The following PCDHGA10 variants were observed in gnomAD, a reference collection of about 807,000 sequenced individuals.
PCDHGA10 encodes the protein protocadherin gamma-A10.
PCDHGA10 carries 42 observed loss-of-function variants against 59.5 expected under a neutral mutation model. The ratio of observed to expected loss-of-function variants is 0.71; its 90% CI spans 0.55 to 0.91. The LOEUF (loss-of-function observed/expected upper bound fraction) is 0.91, where lower values mean the gene tolerates loss of function less well. Among genes scored for constraint, PCDHGA10 ranks in the 40% least tolerant of loss-of-function variants. The pLI, the probability that PCDHGA10 is intolerant of heterozygous loss-of-function variation, is 0.00. For synonymous variants in PCDHGA10, 511 were observed against 517.2 expected, an observed-to-expected ratio of 0.99 and a Z score of 0.16; for missense variants, 1,111 against 1,198.2, an observed-to-expected ratio of 0.93 and a Z score of 1.07.
chr5:141,462,872 AG>A (rs1254807813), intron 1 of PCDHGA10, among the ~76,000 whole-genome samples: 54 of 152,272 alleles, frequency 3.5e-4, no homozygotes, highest in Middle Eastern at 6.8e-3. Flanking sequence ...TCTTTCTTTA[AG>A]AACTATTGCA....
intron 1 of PCDHGA10, among the ~76,000 whole-genome samples, chr5:141,461,288 A>G (rs1049761514): frequency 2.0e-5 from 3 of 152,092 alleles, no homozygotes; most frequent in Admixed American, 1.3e-4. Flanking sequence ...CCCCACATCC[A>G]CACCAACATC....
intron 1 of PCDHGA10, chr5:141,441,857 ACGCCGC>A (rs2098279969): frequency 2.8e-6 from 1 of 352,664 alleles, no homozygotes; most frequent in Non-Finnish European, 5.6e-6. Flanking sequence ...ATGGTGCTGC[ACGCCGC>A]GGAGCCTGGC....
chr5:141,414,686 C>G lies in PCDHGA10; in HGVS notation c.1511C>G (p.Pro504Arg). The G allele has an allele frequency of 2.5e-6, 4 of 1,614,042 alleles. No individual in the cohort carries two copies. The highest frequency in any genetic ancestry group is 3.4e-6 in the Non-Finnish European group (4 of 1,179,912). The change falls in exon 1 of 4, where the codon CCT becomes CGT. Residue 504 changes from proline (P) to arginine (R), a missense_variant. Physicochemically the swap from Pro to Arg is moderately radical, Grantham distance 103. Coordinates refer to ENST00000398610, the MANE Select transcript of PCDHGA10 (RefSeq NM_018913.3). ...GCTGAAGACACCATCCAGGGGGTAC[C>G]TCTGTCCTCATACATATCCATCAAC... ...SLAEDTIQGV[P>R]LSSYISINSD...
chr5:141,477,512 A>G lies in PCDHGA10; in HGVS notation c.2437-17295A>G. 1.9e-6 allele frequency: 3 copies of G among 1,614,156 alleles called. No homozygotes were observed. Among genetic ancestry groups the G allele is most frequent in the South Asian group, 2.2e-5 (2 of 91,072 alleles). ...TTCTCAATCTTCCTACGACGTTTAC[A>G]TTGAAGAAAACAACCTCCCCGGGGC... On this transcript the variant is annotated intron_variant, in intron 1 of 3. Transcript: ENST00000398610. This position sits in a 1 kb window ranked among gnomAD's most constrained non-coding sequence, Gnocchi z 4.9.
chr5:141,447,329 G>A (rs1328071539), intron 1 of PCDHGA10, among the ~76,000 whole-genome samples: 6 of 151,732 alleles, frequency 4.0e-5, no homozygotes, highest in Admixed American at 1.3e-4. Context: ...TAGTAGAGAC[G>A]GGTTTCATCA....
chr5:141,479,752 T>C (rs770200359), intron 1 of PCDHGA10: 4 of 152,236 alleles, frequency 2.6e-5, no homozygotes, highest in Non-Finnish European at 4.4e-5. Context: ...ATGTGAAAGG[T>C]AGATAAATTC....
rs778198822 is a variant in PCDHGA10 at position 141,432,802 on chromosome 5, A to G, written c.2436+17191A>G. 29 of 1,613,964 alleles carry G rather than the reference A, an allele frequency of 1.8e-5. No individual in the cohort carries two copies. The African/African-American group carries it at 3.6e-4, about 20-fold the overall frequency. On this transcript the variant is annotated intron_variant, in intron 1 of 3. Coordinates refer to ENST00000398610, the MANE Select transcript of PCDHGA10 (RefSeq NM_018913.3). This position sits in a 1 kb window ranked among gnomAD's most constrained non-coding sequence, Gnocchi z 6.0. ...CGGACCTCGGCAGCCTCGAGTCTCC[A>G]GCTAACTCTGAAACCTCAGACCTCA...
intron 1 of PCDHGA10, among the ~76,000 whole-genome samples, chr5:141,462,769 G>T (rs1462290112): frequency 6.6e-6 from 1 of 151,956 alleles, no homozygotes; most frequent in African/African-American, 2.4e-5. Flanking sequence ...TCCTGGCTTG[G>T]GGTCATAATT....
intron 1 of PCDHGA10, chr5:141,418,503 T>G (rs2096264259): frequency 6.2e-7 from 1 of 1,613,828 alleles, no homozygotes. Flanking sequence ...CTGACCGCCT[T>G]AGATGGTGGG....
Position 141,423,412 on chromosome 5 carries a change from T to C in PCDHGA10, c.2436+7801T>C, listed in dbSNP as rs754410783. 4 of 1,614,166 alleles carry C rather than the reference T, an allele frequency of 2.5e-6. No individual in the cohort carries two copies. The Admixed American group carries it at 6.7e-5, about 27-fold the overall frequency. The stretch of plus-strand genomic sequence containing the variant: ...GCATAAGTCACGCCTGCTGCAGGCT[T>C]CTGAAGGCGGGTTGGCAGGTATGCC... On this transcript the variant is annotated intron_variant, in intron 1 of 3. Coordinates refer to ENST00000398610, the MANE Select transcript of PCDHGA10 (RefSeq NM_018913.3).
rs1478890031 is a variant in PCDHGA10, at chr5:141,478,689, C to G, written c.2437-16118C>G. On this transcript the variant is annotated intron_variant, in intron 1 of 3. Coordinates refer to ENST00000398610, the MANE Select transcript of PCDHGA10 (RefSeq NM_018913.3). Reference sequence around the variant, plus strand: ...CACTTTCAACTGGCCCTTCCTAGATCAAAGTTAGTGCCTTTGTGAGATGGT... The same window carrying G: ...CACTTTCAACTGGCCCTTCCTAGATGAAAGTTAGTGCCTTTGTGAGATGGT... 3 of 1,550,866 alleles carry G rather than the reference C, an allele frequency of 1.9e-6. No homozygotes were observed. In the African/African-American group the frequency reaches 4.1e-5, roughly 21 times the overall value.
rs926566427 is a variant in PCDHGA10, at chr5:141,505,127, A to T, written c.2496-266A>T. Among the ~76,000 whole-genome samples, 9 of 152,158 alleles carry T rather than the reference A, an allele frequency of 5.9e-5. No homozygotes were observed. The East Asian group carries it at 1.5e-3, about 26-fold the overall frequency. The stretch of plus-strand genomic sequence containing the variant: ...CAATGAGCCAAGATCGCGCCACTGC[A>T]CTCCAGCCTGGATGACAGAGTAAGA... On this transcript the variant is annotated intron_variant, in intron 2 of 3. Transcript: ENST00000398610.
At chr5:141,510,431 G>A (rs912708135) in intron 3 of PCDHGA10, among the ~76,000 whole-genome samples, 9 of 152,132 alleles carry the variant, frequency 5.9e-5, no homozygotes, top group African/African-American at 1.9e-4. Flanking sequence ...TTTCATGGCT[G>A]CTGCCCTCCA....
intron 1 of PCDHGA10, chr5:141,420,475 A>G (rs1590231324): frequency 3.0e-6 from 2 of 665,126 alleles, no homozygotes; most frequent in Admixed American, 7.8e-5. Context: ...ATTTTAAAGC[A>G]AACTACATGG....
In PCDHGA10 at chr5:141,413,283, C is replaced by G. The variant is rs377443382; in HGVS notation, c.108C>G (p.Ser36=). 6.2e-7 allele frequency: 1 copy of G among 1,613,966 alleles called. No individual in the cohort carries two copies. Among genetic ancestry groups the G allele is most frequent in the Admixed American group, 1.7e-5 (1 of 60,032 alleles). The change falls in exon 1 of 4, where the codon TCC becomes TCG. Residue 36 remains serine, a synonymous_variant. Transcript: ENST00000398610. ...GGGAGGCTGGAGCCCGGCAGATCTC[C>G]TACTCAATTCCTGAGGAATTAGAGA... ...IPWEAGARQI[S]YSIPEELEKG... is the part of the protein sequence containing the mutation.
In PCDHGA10 at chr5:141,420,182, C is replaced by G. The variant is rs375716662; in HGVS notation, c.2436+4571C>G. The G allele has an allele frequency of 3.7e-6, 6 of 1,613,694 alleles. No individual in the cohort carries two copies. In the African/African-American group the frequency reaches 8.0e-5, roughly 22 times the overall value. Reference sequence around the variant, plus strand: ...TTTTTTCACATCTGTTGATCATTGTCCAGCCACACAAGATAACCTCAACAA... The same window carrying G: ...TTTTTTCACATCTGTTGATCATTGTGCAGCCACACAAGATAACCTCAACAA... On this transcript the variant is annotated intron_variant, in intron 1 of 3. Transcript: ENST00000398610.
In PCDHGA10 at chr5:141,511,131, C is replaced by T; in HGVS notation, c.2769C>T (p.Gly923=). ...GGGATGGCAAGGCCCCAGCAGGTGG[C>T]AATGGCAACAAGAAGAAGTCGGGCA... is the stretch of plus-strand genomic sequence containing the variant. ...GKRDGKAPAG[G]NGNKKKSGKK... is the part of the protein sequence containing the mutation. The change falls in exon 4 of 4, where the codon GGC becomes GGT. Residue 923 remains glycine (G), a synonymous_variant. Coordinates refer to ENST00000398610, the MANE Select transcript of PCDHGA10 (RefSeq NM_018913.3). 2 of 1,614,202 alleles carry T rather than the reference C, an allele frequency of 1.2e-6. No homozygotes were observed. Among genetic ancestry groups the T allele is most frequent in the Non-Finnish European group, 1.7e-6 (2 of 1,180,020 alleles).
rs755706235 is a variant in PCDHGA10 at position 141,476,450 on chromosome 5, G to A, written c.2437-18357G>A. ...TTGCACTGTAACTCTGGAGTTGGTA[G>A]TGGAGAACCCGCTGGAGCTGTTCAG... On this transcript the variant is annotated intron_variant, in intron 1 of 3. Transcript: ENST00000398610. The surrounding 1 kb of genome is among the most constrained non-coding windows in gnomAD (Gnocchi z 7.6). The A allele has an allele frequency of 6.2e-7, 1 of 1,614,180 alleles. No individual in the cohort carries two copies. The highest frequency in any genetic ancestry group is 8.5e-7 in the Non-Finnish European group (1 of 1,180,040).
rs756094875 is a variant in PCDHGA10 at position 141,419,594 on chromosome 5, C to T, written c.2436+3983C>T. 2.6e-5 allele frequency: 42 copies of T among 1,611,572 alleles called. No homozygotes were observed. Among genetic ancestry groups the T allele is most frequent in the Admixed American group, 3.3e-5 (2 of 59,964 alleles). ...CGGCTCCGCGCTCTTCGACACAGTG[C>T]CGCGGGCCGCGCAGCCAGGCTACCT... On this transcript the variant is annotated intron_variant, in intron 1 of 3. Transcript: ENST00000398610.
Sources: allele counts gnomAD v4.1 joint callset (sites outside exome capture counted in the v4.1 genomes callset), GRCh38; gene constraint gnomAD v4.1.1; non-coding constraint Gnocchi (gnomAD v3.1); transcripts MANE v1.5; gene names NCBI Gene and HGNC (gene_info 2026-07-23, HGNC 2026-07-21).